The following RGMA variants were observed in gnomAD, a reference collection of about 807,000 sequenced individuals.
The protein encoded by RGMA is repulsive guidance molecule A.
A neutral mutation model predicts 23.2 loss-of-function variants in RGMA; 10 were observed. The observed-to-expected ratio is 0.43, with a 90% CI of 0.27 to 0.73. RGMA has a LOEUF of 0.73. Ranked by LOEUF, RGMA falls within the 30% of genes least tolerant of loss-of-function variation. The pLI is 0.20. For missense variants in RGMA, 547 were observed against 630.5 expected, an observed-to-expected ratio of 0.87 and a Z score of 1.42; for synonymous variants, 308 against 279.3, an observed-to-expected ratio of 1.10 and a Z score of -1.03.
intron 2 of RGMA, among the ~76,000 whole-genome samples, chr15:93,061,672 C>A (rs975015300): frequency 2.0e-5 from 3 of 152,186 alleles, no homozygotes; most frequent in Non-Finnish European, 4.4e-5. Context: ...TAATAGCAAC[C>A]TAGCACCTCT....
At chr15:93,064,837 G>A (rs758580936) in intron 2 of RGMA, among the ~76,000 whole-genome samples, 1 of 152,218 alleles carries the variant, frequency 6.6e-6, no homozygotes, top group African/African-American at 2.4e-5. Context: ...TGGTGAGCAA[G>A]AGGCAGAGGG....
At chr15:93,063,821 C>T (rs541939096) in intron 2 of RGMA, among the ~76,000 whole-genome samples, 128 of 152,292 alleles carry the variant, frequency 8.4e-4, no homozygotes, top group African/African-American at 3.0e-3. Flanking sequence ...CTCAGGGAAC[C>T]TCAGTTGACT....
intron 2 of RGMA, among the ~76,000 whole-genome samples, chr15:93,071,456 C>T (rs1895318721): frequency 6.6e-6 from 1 of 152,194 alleles, no homozygotes; most frequent in South Asian, 2.1e-4. Flanking sequence ...ACCAAGATCC[C>T]TCACCCGACA....
Position 93,039,481 on chromosome 15 carries a change from T to G in RGMA, c.*5517A>C, listed in dbSNP as rs1350067023. The G allele has an allele frequency of 6.6e-6, 1 of 152,186 alleles. No individual in the cohort carries two copies. The highest frequency in any genetic ancestry group is 6.5e-5 in the Admixed American group (1 of 15,270). The allele number at this position is 152,186 out of a possible 1,614,324, so 9.4% of individuals were successfully genotyped here. ...ATAGGTATACACGTGCCATGGTGGT[T>G]TGCTGCACCTATGAACCCGTCATCA... On this transcript the variant is annotated 3_prime_UTR_variant, in exon 4 of 4. Transcript: ENST00000329082.
intron 1 of RGMA, among the ~76,000 whole-genome samples, chr15:93,081,630 C>T (rs978115970): frequency 6.6e-5 from 10 of 152,234 alleles, no homozygotes; most frequent in African/African-American, 2.4e-4. Context: ...CAAATGGCAA[C>T]TGTCTGAACC....
Position 93,052,418 on chromosome 15 carries a change from C to T in RGMA, c.220G>A (p.Glu74Lys), listed in dbSNP as rs201701610. Residue 74 changes from glutamate (E) to lysine (K), a missense_variant, in exon 3 of 4, where the codon GAG becomes AAG. By Grantham distance (56) the Glu-to-Lys change is moderately conservative. Coordinates refer to ENST00000329082, the MANE Select transcript of RGMA (RefSeq NM_020211.3). ...SHAPASDDTP[E>K]FCAALRSYAL... is the part of the protein sequence containing the mutation. ...TAGCTGCGCAAGGCTGCACAGAACT[C>T]GGGGGTGTCGTCTGAGGCTGGGGCG... The T allele has an allele frequency of 4.9e-5, 78 of 1,597,104 alleles. No individual in the cohort carries two copies. The highest frequency in any genetic ancestry group is 1.2e-4 in the Admixed American group (7 of 59,818).
rs1283031257 is a variant in RGMA at position 93,044,312 on chromosome 15, A to G, written c.*686T>C. 1 of 152,730 alleles carries G rather than the reference A, an allele frequency of 6.5e-6. No individual in the cohort carries two copies. The highest frequency in any genetic ancestry group is 1.5e-5 in the Non-Finnish European group (1 of 68,456). The allele number at this position is 152,730 out of a possible 1,614,324, so 9.5% of individuals were successfully genotyped here. Reference sequence around the variant, plus strand: ...GAAGGGGCAGGGGCCCAGGCCAGAGACGGGCAGCTGAGCAGGTGCCTGAAA... The same window carrying G: ...GAAGGGGCAGGGGCCCAGGCCAGAGGCGGGCAGCTGAGCAGGTGCCTGAAA... On this transcript the variant is annotated 3_prime_UTR_variant, in exon 4 of 4. Coordinates refer to ENST00000329082, the MANE Select transcript of RGMA (RefSeq NM_020211.3).
chr15:93,051,065 G>A (rs1460345850), intron 3 of RGMA, among the ~76,000 whole-genome samples: 13 of 152,324 alleles, frequency 8.5e-5, no homozygotes, highest in South Asian at 6.2e-4. Context: ...CCAAGGGCCC[G>A]CTTGGGAATC....
In RGMA at chr15:93,039,638, A is replaced by T. The variant is rs1204208683; in HGVS notation, c.*5360T>A. 2.6e-5 allele frequency: 4 copies of T among 152,008 alleles called. No individual in the cohort carries two copies. The highest frequency in any genetic ancestry group is 5.9e-5 in the Non-Finnish European group (4 of 68,046). 9.4% of individuals were successfully genotyped at this position (152,008 alleles called of 1,614,324 possible). ...TCAACTCCCACTTACGAGTGAGAAC[A>T]TGCGGTGTTTGGTTTTCTGTTCTTG... is the stretch of plus-strand genomic sequence containing the variant. On this transcript the variant is annotated 3_prime_UTR_variant, in exon 4 of 4. Transcript: ENST00000329082.
At chr15:93,066,391 TG>T in intron 2 of RGMA, 1 of 645,030 alleles carries the variant, frequency 1.6e-6, no homozygotes. Flanking sequence ...TGACTCCAGG[TG>T]GGGGAAACGG....
At chr15:93,048,830 G>A (rs1683025412) in intron 3 of RGMA, among the ~76,000 whole-genome samples, 1 of 149,908 alleles carries the variant, frequency 6.7e-6, no homozygotes, top group African/African-American at 2.5e-5. Context: ...GGCCGTGGGT[G>A]GTCCTGCCAT....
chr15:93,056,977 T>C (rs377368808), intron 2 of RGMA, among the ~76,000 whole-genome samples: 4 of 152,122 alleles, frequency 2.6e-5, no homozygotes, highest in African/African-American at 9.7e-5. Flanking sequence ...AGGAGGGGCA[T>C]TGGAGGGAGC....
chr15:93,079,915 G>C (rs1895530897), intron 1 of RGMA, among the ~76,000 whole-genome samples: 1 of 152,194 alleles, frequency 6.6e-6, no homozygotes, highest in African/African-American at 2.4e-5. Flanking sequence ...TGAAAGGACA[G>C]TTGTACATTT....
At chr15:93,070,755 G>A (rs66481314) in intron 2 of RGMA, among the ~76,000 whole-genome samples, 19,029 of 152,226 alleles carry the variant, frequency 0.13, 1,673 homozygotes, top group Middle Eastern at 0.25. Context: ...GCCAGCTGGC[G>A]TGACAGGAGA....
rs777631112 is a variant in RGMA at position 93,052,544 on chromosome 15, G to A, written c.131-37C>T. ...GGAACGAACACACCGTCGGGGTGCA[G>A]CCTGGCAACCCCAGCTTCTGCTACC... On this transcript the variant is annotated intron_variant, in intron 2 of 3. Coordinates refer to ENST00000329082, the MANE Select transcript of RGMA (RefSeq NM_020211.3). 6 of 1,517,640 alleles carry A rather than the reference G, an allele frequency of 4.0e-6. No individual in the cohort carries two copies. The African/African-American group carries it at 4.1e-5, about 10-fold the overall frequency. The allele number at this position is 1,517,640 out of a possible 1,614,324, so 94.0% of individuals were successfully genotyped here.
At chr15:93,053,766 G>C (rs2054966906) in intron 2 of RGMA, among the ~76,000 whole-genome samples, 1 of 152,190 alleles carries the variant, frequency 6.6e-6, no homozygotes, top group African/African-American at 2.4e-5. Flanking sequence ...CACCTTCCCA[G>C]ATCACAGACT....
Position 93,052,113 on chromosome 15 carries a change from G to A in RGMA, c.525C>T (p.Thr175=), listed in dbSNP as rs375645172. 1.6e-3 allele frequency: 2,612 copies of A among 1,613,734 alleles called. 3 individuals carry two copies. The highest frequency in any genetic ancestry group is 1.9e-3 in the Non-Finnish European group (2,282 of 1,179,858). ...GCACCTTGCAGGTCTGGAAGCGGTC[G>A]GTGAAAGTCCTGAGGTGTGGGTCCC... The part of the protein sequence containing the change: ...LFGDPHLRTF[T]DRFQTCKVQG... The change falls in exon 3 of 4, where the codon ACC becomes ACT. Residue 175 remains threonine, a synonymous_variant. Coordinates refer to ENST00000329082, the MANE Select transcript of RGMA (RefSeq NM_020211.3).
chr15:93,050,769 A>G (rs1156548591), intron 3 of RGMA, among the ~76,000 whole-genome samples: 1 of 151,650 alleles, frequency 6.6e-6, no homozygotes, highest in African/African-American at 2.4e-5. Flanking sequence ...ACATCCTCAG[A>G]CCTCCCTGTG....
At chr15:93,073,993 T>C (rs1347415184) in intron 1 of RGMA, 1 of 1,408,992 alleles carries the variant, frequency 7.1e-7, no homozygotes. Context: ...TATGGTGACC[T>C]TTCCTAACTC....
Sources: gnomAD v4.1 joint callset for allele counts (sites outside exome capture counted in the v4.1 genomes callset) on GRCh38, gnomAD v4.1.1 for gene constraint, MANE v1.5 for transcripts, NCBI Gene and HGNC (gene_info 2026-07-23, HGNC 2026-07-21) for gene names.